MAPKAPK3: variants seen among roughly 807,000 people sequenced by gnomAD.
The protein encoded by MAPKAPK3 is MAP kinase-activated protein kinase 3.
Under a neutral mutation model 49.2 loss-of-function variants are expected in MAPKAPK3, and 35 were observed. The ratio of observed to expected loss-of-function variants is 0.71; its 90% confidence interval spans 0.54 to 0.94. The LOEUF is 0.94. Ranked by LOEUF, MAPKAPK3 falls within the 40% of genes least tolerant of loss-of-function variation. The pLI is 0.00. For synonymous variants in MAPKAPK3, 178 were observed against 188.7 expected, an observed-to-expected ratio of 0.94 and a Z score of 0.46; for missense variants, 398 against 493.1, an observed-to-expected ratio of 0.81 and a Z score of 1.83.
intron 2 of MAPKAPK3, among the ~76,000 whole-genome samples, chr3:50,620,171 G>A (rs993712672): frequency 2.6e-5 from 4 of 151,886 alleles, no homozygotes; most frequent in African/African-American, 2.4e-5. Context: ...CTGTGGCCAC[G>A]AGGAGGAAGG....
chr3:50,621,692 G>A (rs1219982256), intron 2 of MAPKAPK3, among the ~76,000 whole-genome samples: 3 of 151,860 alleles, frequency 2.0e-5, no homozygotes, highest in African/African-American at 7.3e-5. Flanking sequence ...ATGATTGCTC[G>A]AGCCTAGGGG....
chr3:50,631,095 T>C (rs1236024436), intron 2 of MAPKAPK3, among the ~76,000 whole-genome samples: 2 of 152,076 alleles, frequency 1.3e-5, no homozygotes, highest in Admixed American at 6.5e-5. Flanking sequence ...GAGGACAGGA[T>C]GTGGTTGGAA....
At chr3:50,645,384 G>A (rs147674866) in intron 6 of MAPKAPK3, among the ~76,000 whole-genome samples, 3,074 of 152,260 alleles carry the variant, frequency 0.02, 47 homozygotes, top group Middle Eastern at 0.031. Flanking sequence ...CAGCTGGCAG[G>A]CCAAGACCCT....
At chr3:50,627,880 C>G (rs146976132) in intron 2 of MAPKAPK3, among the ~76,000 whole-genome samples, 1 of 152,258 alleles carries the variant, frequency 6.6e-6, no homozygotes, top group East Asian at 1.9e-4. Context: ...CCCTGCTACC[C>G]CTGGGAGGAG....
chr3:50,647,271 G>A, intron 10 of MAPKAPK3, 68 bp downstream of exon 10: 1 of 1,333,132 alleles, frequency 7.5e-7, no homozygotes, highest in Non-Finnish European at 1.1e-6. Context: ...TCAGGGGGGT[G>A]GCTACCCAGG....
chr3:50,640,840 A>G (rs1464318748), intron 3 of MAPKAPK3, among the ~76,000 whole-genome samples: 3 of 152,158 alleles, frequency 2.0e-5, no homozygotes, highest in Non-Finnish European at 4.4e-5. Context: ...GAAGAACAGG[A>G]CCCACGCAGT....
chr3:50,630,991 G>A (rs2032891245), intron 2 of MAPKAPK3, among the ~76,000 whole-genome samples: 1 of 152,202 alleles, frequency 6.6e-6, no homozygotes, highest in Admixed American at 6.5e-5. Flanking sequence ...GCACCTACCT[G>A]GGGCCTGGAC....
chr3:50,645,612 C>T, intron 6 of MAPKAPK3, 98 bp from the exon 7 acceptor site: 2 of 898,542 alleles, frequency 2.2e-6, no homozygotes, highest in Non-Finnish European at 3.7e-6. Context: ...TACCTCCCAG[C>T]CCAGGTACCT....
intron 2 of MAPKAPK3, among the ~76,000 whole-genome samples, chr3:50,626,880 A>G (rs892902153): frequency 6.6e-6 from 1 of 152,140 alleles, no homozygotes; most frequent in Non-Finnish European, 1.5e-5. Flanking sequence ...ATCAGGAGCC[A>G]CAGTCTGCTC....
intron 2 of MAPKAPK3, among the ~76,000 whole-genome samples, chr3:50,635,917 TACCAAAAAAAAAAAAAAAAAAAAAAAAA>T (rs1202121605): frequency 2.0e-3 from 106 of 53,044 alleles, no homozygotes; most frequent in African/African-American, 8.3e-3. Context: ...ACCCCGTCTC[TACCAAAAAAAAAAAAAAAAAAAAAAAAA>T]ACCAAAAAAA....
intron 2 of MAPKAPK3, among the ~76,000 whole-genome samples, chr3:50,633,168 T>A (rs2032953985): frequency 6.6e-6 from 1 of 152,100 alleles, no homozygotes; most frequent in East Asian, 1.9e-4. Flanking sequence ...GGTTGAGTTG[T>A]AGCAATAAGA....
intron 2 of MAPKAPK3, among the ~76,000 whole-genome samples, chr3:50,622,487 C>T (rs2032633541): frequency 6.6e-6 from 1 of 152,206 alleles, no homozygotes; most frequent in Admixed American, 6.5e-5. Flanking sequence ...TGATAATACT[C>T]CCCTTTGATT....
chr3:50,613,964 C>T (rs743753), upstream of MAPKAPK3: 11,186 of 152,340 alleles, frequency 0.073, 1,095 homozygotes, highest in East Asian at 0.33. Context: ...TCTCTGCCCC[C>T]AGGCCTGTCC....
Position 50,649,176 on chromosome 3 carries a change from G to C in MAPKAPK3, c.*1130G>C, listed in dbSNP as rs1483045296. 4.6e-5 allele frequency: 7 copies of C among 152,380 alleles called. No individual in the cohort carries two copies. 9.4% of individuals were successfully genotyped at this position (152,380 alleles called of 1,614,324 possible). ...CTGCCTGACAAGTGCCTGACACGCA[G>C]CCTAGTTCCTTCCTGGCCCCTCTCT... On this transcript the variant is annotated 3_prime_UTR_variant, in exon 11 of 11. Transcript: ENST00000621469.
chr3:50,634,133 G>A (rs1375091867), intron 2 of MAPKAPK3, among the ~76,000 whole-genome samples: 1 of 152,198 alleles, frequency 6.6e-6, no homozygotes, highest in African/African-American at 2.4e-5. Context: ...GTGAAAACCA[G>A]TATATCAGAG....
At position 50,648,242 on chromosome 3, in the gene MAPKAPK3, C is replaced by A. The variant is rs1170259216; in HGVS notation, c.*196C>A. ...TTCAGATCTCTGGCCCAGGCTCAAG[C>A]CCTAGAGATGGGCAGGGCCTAGGGG... On this transcript the variant is annotated 3_prime_UTR_variant, in exon 11 of 11. Transcript: ENST00000621469. The A allele has an allele frequency of 1.6e-6, 1 of 607,448 alleles. No homozygotes were observed. The highest frequency in any genetic ancestry group is 2.8e-6 in the Non-Finnish European group (1 of 356,888). The allele number at this position is 607,448 out of a possible 1,614,324, so 37.6% of individuals were successfully genotyped here.
At chr3:50,647,005 C>A in intron 9 of MAPKAPK3, 118 bp from the exon 10 acceptor site, 1 of 1,090,550 alleles carries the variant, frequency 9.2e-7, no homozygotes, top group Admixed American at 2.1e-5. Flanking sequence ...GAGGCTCCTT[C>A]CCCACCCTGA....
chr3:50,621,393 A>ACCAACCTGG lies in MAPKAPK3; in HGVS notation c.219+3620_219+3628dup, dbSNP rs1283169921. On this transcript the variant is annotated intron_variant, in intron 2 of 10. Transcript: ENST00000621469. ...GATCACTTGAAGTCTGGAGCTCGAG[A>ACCAACCTGG]CCAACCTGGCCAACCTGGCAAAACC... Among the ~76,000 whole-genome samples the ACCAACCTGG allele has an allele frequency of 5.9e-5, 9 of 152,076 alleles. No homozygotes were observed. The East Asian group carries it at 1.3e-3, about 23-fold the overall frequency.
At position 50,620,839 on chromosome 3, in the gene MAPKAPK3, G is replaced by T. The variant is rs529881551; in HGVS notation, c.219+3055G>T. Among the ~76,000 whole-genome samples the T allele has an allele frequency of 1.8e-4, 28 of 152,280 alleles. 1 individual carries two copies. In the South Asian group the frequency reaches 5.6e-3, roughly 30 times the overall value. ...CTTGGAGAGGGTGTATGGGCCAGGCGGTCCTCCAGTGTCTGCTTCTCCTGC... is the reference window on the plus strand; with the variant it reads ...CTTGGAGAGGGTGTATGGGCCAGGCTGTCCTCCAGTGTCTGCTTCTCCTGC... On this transcript the variant is annotated intron_variant, in intron 2 of 10. Transcript: ENST00000621469.
Sources: gnomAD v4.1 joint callset for allele counts (sites outside exome capture counted in the v4.1 genomes callset) on GRCh38, gnomAD v4.1.1 for gene constraint, MANE v1.5 for transcripts, NCBI Gene and HGNC (gene_info 2026-07-23, HGNC 2026-07-21) for gene names.